Variants in RBFOX1 observed in about 807,000 individuals in gnomAD.
The protein encoded by RBFOX1 is RNA binding protein fox-1 homolog 1.
Under a neutral mutation model 57.7 loss-of-function variants are expected in RBFOX1, and 8 were observed. That is an observed-to-expected ratio of 0.14 (90% CI 0.08 to 0.25). The LOEUF (loss-of-function observed/expected upper bound fraction) is 0.25, where lower values mean the gene tolerates loss of function less well. Among genes scored for constraint, RBFOX1 ranks in the 10% least tolerant of loss-of-function variants. The pLI, the probability that RBFOX1 is intolerant of heterozygous loss-of-function variation, is 1.00. For synonymous variants in RBFOX1, 326 were observed against 222.4 expected (o/e 1.47, Z -4.15); for missense variants, 611 against 548.5 (o/e 1.11, Z -1.14).
chr16:5,652,702 G>A (rs1229585518), intron 3 of RBFOX1, among the ~76,000 whole-genome samples: 1 of 152,164 alleles, frequency 6.6e-6, no homozygotes, highest in Non-Finnish European at 1.5e-5. Context: ...GTATAAATGT[G>A]CCTTTCAGAG....
At chr16:6,185,576 T>G (rs1412910206) in intron 1 of RBFOX1, among the ~76,000 whole-genome samples, 3 of 152,204 alleles carry the variant, frequency 2.0e-5, no homozygotes, top group Admixed American at 2.0e-4. Context: ...AACAAGGGCT[T>G]GGAAGGTGAT....
intron 2 of RBFOX1, among the ~76,000 whole-genome samples, chr16:5,585,690 T>G (rs2046808035): frequency 6.6e-6 from 1 of 152,224 alleles, no homozygotes; most frequent in South Asian, 2.1e-4. Context: ...CCCAAAGCCA[T>G]CGGCTTCTAG....
chr16:6,244,395 A>C (rs2097557556), intron 1 of RBFOX1, among the ~76,000 whole-genome samples: 1 of 152,150 alleles, frequency 6.6e-6, no homozygotes, highest in Non-Finnish European at 1.5e-5. Context: ...AGTCCACCCT[A>C]GCTCAAGATA....
intron 3 of RBFOX1, among the ~76,000 whole-genome samples, chr16:6,893,351 C>T (rs530594274): frequency 1.4e-4 from 22 of 152,272 alleles, no homozygotes; most frequent in African/African-American, 3.9e-4. Flanking sequence ...TAAAAATACA[C>T]GATCAAGTCA....
Position 6,436,943 on chromosome 16 carries a change from A to G in RBFOX1, c.-64+119886A>G, listed in dbSNP as rs571071437. On this transcript the variant is annotated intron_variant, in intron 2 of 15. Coordinates refer to ENST00000550418, the MANE Select transcript of RBFOX1 (RefSeq NM_018723.4). ...TTCTCTCCAGTCGATGGGCATAGAC[A>G]TACTTCATCCCTTGCAGGCCCAGAA... Among the ~76,000 whole-genome samples, 7 of 152,332 alleles carry G rather than the reference A, an allele frequency of 4.6e-5. No individual in the cohort carries two copies. In the East Asian group the frequency reaches 1.3e-3, roughly 29 times the overall value.
intron 3 of RBFOX1, among the ~76,000 whole-genome samples, chr16:6,726,394 T>G (rs925375559): frequency 2.5e-5 from 2 of 79,996 alleles, no homozygotes; most frequent in South Asian, 2.3e-3. Flanking sequence ...AACGCTATTT[T>G]TTCTTTTTTT....
intron 2 of RBFOX1, among the ~76,000 whole-genome samples, chr16:6,617,871 GT>G (rs1204068688): frequency 6.6e-6 from 1 of 152,164 alleles, no homozygotes; most frequent in Non-Finnish European, 1.5e-5. Flanking sequence ...AGGATGGAAA[GT>G]ACCATGGAGG....
intron 3 of RBFOX1, among the ~76,000 whole-genome samples, chr16:6,839,535 CAAG>C (rs1213059362): frequency 6.6e-6 from 1 of 152,314 alleles, no homozygotes; most frequent in South Asian, 2.1e-4. Context: ...ATCAGACAGA[CAAG>C]GAGGGTATCT....
chr16:5,556,764 C>A (rs964205202), intron 2 of RBFOX1, among the ~76,000 whole-genome samples: 1 of 151,618 alleles, frequency 6.6e-6, no homozygotes, highest in African/African-American at 2.4e-5. Context: ...AAGAAAGATG[C>A]CACGAAAACA....
chr16:7,103,326 A>G (rs1048193740), intron 4 of RBFOX1, among the ~76,000 whole-genome samples: 1 of 152,180 alleles, frequency 6.6e-6, no homozygotes, highest in African/African-American at 2.4e-5. Context: ...TAATCATTGT[A>G]GAATTGCCTA....
At chr16:6,777,376 G>C (rs948195634) in intron 3 of RBFOX1, among the ~76,000 whole-genome samples, 1 of 152,146 alleles carries the variant, frequency 6.6e-6, no homozygotes, top group Admixed American at 6.6e-5. Flanking sequence ...GTGTCCCTGA[G>C]AAAGAGAACC....
At chr16:6,624,605 T>C (rs928533750) in intron 2 of RBFOX1, among the ~76,000 whole-genome samples, 4 of 152,164 alleles carry the variant, frequency 2.6e-5, no homozygotes, top group African/African-American at 9.7e-5. Context: ...ACCCTAAAAG[T>C]AGCCACAGTG....
At chr16:5,524,002 C>G (rs570108550) in intron 2 of RBFOX1, among the ~76,000 whole-genome samples, 4 of 152,300 alleles carry the variant, frequency 2.6e-5, no homozygotes, top group Admixed American at 1.3e-4. Flanking sequence ...TTAAACATAC[C>G]ACTCATTCAA....
chr16:7,580,777 T>C (rs2093699169), intron 6 of RBFOX1, among the ~76,000 whole-genome samples: 1 of 152,202 alleles, frequency 6.6e-6, no homozygotes, highest in South Asian at 2.1e-4. Context: ...GTGACAGGGC[T>C]TGGATATCAT....
chr16:5,706,596 TTAA>T (rs1304615946), intron 3 of RBFOX1, among the ~76,000 whole-genome samples: 1 of 152,240 alleles, frequency 6.6e-6, no homozygotes, highest in African/African-American at 2.4e-5. Flanking sequence ...TGTTTGGCTT[TTAA>T]TAATTAAATC....
At chr16:6,414,389 C>G (rs1033275611) in intron 2 of RBFOX1, among the ~76,000 whole-genome samples, 1 of 152,198 alleles carries the variant, frequency 6.6e-6, no homozygotes, top group Non-Finnish European at 1.5e-5. Flanking sequence ...TCCCGGGCAC[C>G]TACTGTGTTG....
chr16:6,683,524 A>G (rs2058979469), intron 3 of RBFOX1, among the ~76,000 whole-genome samples: 1 of 152,226 alleles, frequency 6.6e-6, no homozygotes, highest in Non-Finnish European at 1.5e-5. Context: ...CTATATATAT[A>G]TGTATATAGC....
intron 3 of RBFOX1, among the ~76,000 whole-genome samples, chr16:6,732,954 A>G (rs1034266248): frequency 2.0e-4 from 30 of 152,214 alleles, no homozygotes; most frequent in African/African-American, 7.2e-4. Flanking sequence ...AGTAAGAGCT[A>G]CTTTTACACA....
At chr16:6,211,988 T>C (rs993913415) in intron 1 of RBFOX1, among the ~76,000 whole-genome samples, 1 of 152,102 alleles carries the variant, frequency 6.6e-6, no homozygotes, top group African/African-American at 2.4e-5. Context: ...TAGCTAGGAT[T>C]ACAGGCACAC....
Sources: gnomAD v4.1 joint callset for allele counts (sites outside exome capture counted in the v4.1 genomes callset) on GRCh38, gnomAD v4.1.1 for gene constraint, MANE v1.5 for transcripts, NCBI Gene and HGNC (gene_info 2026-07-23, HGNC 2026-07-21) for gene names.